PATL1: variants seen among roughly 807,000 people sequenced by gnomAD.
The protein encoded by PATL1 is PAT1 homolog 1, processing body mRNA decay factor.
A neutral mutation model predicts 100.6 loss-of-function variants in PATL1; 32 were observed. The observed-to-expected ratio is 0.32, with a 90% confidence interval of 0.24 to 0.43. The LOEUF (loss-of-function observed/expected upper bound fraction) is 0.43, where lower values mean the gene tolerates loss of function less well. PATL1 is among the 20% of genes least tolerant of loss of function. The pLI, the probability that PATL1 is intolerant of heterozygous loss-of-function variation, is 1.00. For missense variants in PATL1, 747 were observed against 949.9 expected, an observed-to-expected ratio of 0.79 and a Z score of 2.81; for synonymous variants, 332 against 330.0, an observed-to-expected ratio of 1.01 and a Z score of -0.07.
chr11:59,668,903 G>T lies in PATL1; in HGVS notation c.-8C>A. 1 of 907,314 alleles carries T rather than the reference G, an allele frequency of 1.1e-6. No homozygotes were observed. Among genetic ancestry groups the T allele is most frequent in the Non-Finnish European group, 1.6e-6 (1 of 644,538 alleles). The allele number at this position is 907,314 out of a possible 1,614,324, so 56.2% of individuals were successfully genotyped here. On this transcript the variant is annotated 5_prime_UTR_variant, in exon 1 of 19. Coordinates refer to ENST00000300146, the MANE Select transcript of PATL1 (RefSeq NM_152716.3). ...CACCTCGTAGCGGAACATTCTTGGG[G>T]AGGGGGGCAGGGAGCGGGGAGGGGA...
intron 1 of PATL1, 137 bp from the exon 2 acceptor site, chr11:59,667,101 T>C: frequency 7.1e-7 from 1 of 1,417,470 alleles, no homozygotes; most frequent in Non-Finnish European, 9.2e-7. Context: ...GCATTTTTTT[T>C]CTACTTCCCA....
At chr11:59,654,476 G>C (rs571461880) in intron 8 of PATL1, among the ~76,000 whole-genome samples, 78 of 132,140 alleles carry the variant, frequency 5.9e-4, no homozygotes, top group South Asian at 9.6e-4. Flanking sequence ...GTGAGACTCT[G>C]TCTCAAAAAC....
rs769113816 is a variant in PATL1 at position 59,666,975 on chromosome 11, AG to A, written c.16-12del. 2.1e-5 allele frequency: 33 copies of A among 1,536,328 alleles called. No individual in the cohort carries two copies. In the African/African-American group the frequency reaches 2.8e-4, roughly 13 times the overall value. ...ACAATCCTCCAAAGACTAAAAAAAA[AG>A]AAAAGACATTAGTTATTCATGAAAT... On this transcript the variant is annotated splice_polypyrimidine_tract_variant and intron_variant, in intron 1 of 18. Transcript: ENST00000300146.
At chr11:59,642,714 TG>T in intron 16 of PATL1, 165 bp downstream of exon 16, 1 of 693,210 alleles carries the variant, frequency 1.4e-6, no homozygotes, top group Non-Finnish European at 2.3e-6. Context: ...AATCCCATTT[TG>T]TTGAAAACAC....
In PATL1 at chr11:59,638,283, C is replaced by T; in HGVS notation, c.*107G>A. ...CAGGAATCGATCCCACAAGACTTTG[C>T]TTTGGGGAAAAAGCTACCTTCCTTC... On this transcript the variant is annotated 3_prime_UTR_variant, in exon 19 of 19. Transcript: ENST00000300146. 1 of 1,175,294 alleles carries T rather than the reference C, an allele frequency of 8.5e-7. No individual in the cohort carries two copies. Among genetic ancestry groups the T allele is most frequent in the Non-Finnish European group, 1.2e-6 (1 of 801,664 alleles). The allele number at this position is 1,175,294 out of a possible 1,614,324, so 72.8% of individuals were successfully genotyped here. A position where few individuals can be genotyped will look rare whatever the true frequency, so the allele number is the denominator to read the frequency against.
At chr11:59,647,714 TAA>T in intron 15 of PATL1, 38 bp downstream of exon 15, 1 of 1,601,238 alleles carries the variant, frequency 6.2e-7, no homozygotes, top group Non-Finnish European at 8.5e-7. Flanking sequence ...TTATCACTTA[TAA>T]AGACTCAAAA....
chr11:59,654,700 T>C (rs1861500160), intron 8 of PATL1, among the ~76,000 whole-genome samples: 2 of 152,152 alleles, frequency 1.3e-5, no homozygotes, highest in Non-Finnish European at 2.9e-5. Context: ...GCTTCAACTA[T>C]GTGGGAATGT....
intron 1 of PATL1, 72 bp downstream of exon 1, chr11:59,668,809 G>A: frequency 3.7e-6 from 3 of 811,570 alleles, no homozygotes; most frequent in Non-Finnish European, 5.9e-6. Flanking sequence ...CACAGGACCG[G>A]CGCGCGGAGA....
At chr11:59,646,665 G>A (rs1023065651) in intron 15 of PATL1, among the ~76,000 whole-genome samples, 3 of 152,024 alleles carry the variant, frequency 2.0e-5, no homozygotes, top group Non-Finnish European at 4.4e-5. Context: ...TACTTAGATC[G>A]TTATTACTCA....
At chr11:59,646,496 A>G (rs1861367937) in intron 15 of PATL1, among the ~76,000 whole-genome samples, 1 of 152,072 alleles carries the variant, frequency 6.6e-6, no homozygotes, top group Non-Finnish European at 1.5e-5. Context: ...AAATCTTTTA[A>G]ATATATACTT....
At chr11:59,650,676 C>G in intron 13 of PATL1, 78 bp downstream of exon 13, 1 of 980,754 alleles carries the variant, frequency 1.0e-6, no homozygotes, top group East Asian at 2.7e-5. Flanking sequence ...TGATTGCTCA[C>G]TGTTTCAGTT....
chr11:59,639,271 G>A (rs1861239021), intron 17 of PATL1, 21 bp downstream of exon 17: 3 of 1,561,144 alleles, frequency 1.9e-6, no homozygotes, highest in Non-Finnish European at 2.6e-6. Context: ...TAAAATAAGA[G>A]AAGAAACAGT....
chr11:59,656,434 T>G, intron 6 of PATL1, 65 bp downstream of exon 6: 1 of 1,328,682 alleles, frequency 7.5e-7, no homozygotes, highest in South Asian at 1.3e-5. Flanking sequence ...ATACTGGCAG[T>G]GATCTTACAA....
intron 10 of PATL1, 98 bp from the exon 11 acceptor site, chr11:59,652,685 G>C: frequency 1.3e-6 from 2 of 1,542,172 alleles, no homozygotes; most frequent in Non-Finnish European, 1.8e-6. Context: ...CACAAGTTCA[G>C]CTCTAGAAAT....
intron 4 of PATL1, among the ~76,000 whole-genome samples, chr11:59,658,136 C>T (rs533486150): frequency 2.0e-5 from 3 of 151,404 alleles, no homozygotes; most frequent in Admixed American, 2.0e-4. Flanking sequence ...TGCACTCTAG[C>T]CTGGTTGACA....
At chr11:59,643,113 G>T (rs750396711) in intron 15 of PATL1, 78 bp from the exon 16 acceptor site, 10 of 1,462,462 alleles carry the variant, frequency 6.8e-6, no homozygotes, top group Non-Finnish European at 9.3e-6. Flanking sequence ...TGGATGGAAG[G>T]ATGTTCATTT....
chr11:59,666,232 CA>C (rs1861688479), intron 2 of PATL1, among the ~76,000 whole-genome samples: 4 of 151,982 alleles, frequency 2.6e-5, no homozygotes, highest in Non-Finnish European at 5.9e-5. Context: ...GGTGACAGAG[CA>C]AGACTTCATC....
rs554726238 is a variant in PATL1 at position 59,651,787 on chromosome 11, G to A, written c.1427-146C>T. On this transcript the variant is annotated intron_variant, in intron 11 of 18. Transcript: ENST00000300146. The stretch of plus-strand genomic sequence containing the variant: ...CAAAACTCAATGTATCATTTAGGCC[G>A]GGTGTGGTAACTCACACCTGTTATC... 5.5e-4 allele frequency: 345 copies of A among 631,628 alleles called. 5 individuals are homozygous for A. Among genetic ancestry groups the A allele is most frequent in the South Asian group, 4.7e-3 (238 of 50,656 alleles). 39.1% of individuals were successfully genotyped at this position (631,628 alleles called of 1,614,324 possible).
intron 16 of PATL1, among the ~76,000 whole-genome samples, chr11:59,640,512 G>A (rs1460533159): frequency 2.0e-5 from 3 of 149,696 alleles, no homozygotes; most frequent in Non-Finnish European, 4.5e-5. Flanking sequence ...GAGGTCAGGA[G>A]ATCGAGATCA....
Sources: allele counts gnomAD v4.1 joint callset (sites outside exome capture counted in the v4.1 genomes callset), GRCh38; gene constraint gnomAD v4.1.1; transcripts MANE v1.5; gene names NCBI Gene and HGNC (gene_info 2026-07-23, HGNC 2026-07-21).